Variants in CNTNAP4 observed in about 807,000 individuals in gnomAD.
The protein encoded by CNTNAP4 is contactin associated protein family member 4, also known as contactin-associated protein-like 4.
CNTNAP4 carries 98 observed loss-of-function variants against 148.4 expected under a neutral mutation model. That is an observed-to-expected ratio of 0.66 (90% CI 0.56 to 0.78). The LOEUF (loss-of-function observed/expected upper bound fraction) is 0.78, where lower values mean the gene tolerates loss of function less well. CNTNAP4 is among the 30% of genes least tolerant of loss of function. The pLI is 0.00. For missense variants in CNTNAP4, 1,935 were observed against 1,565.6 expected (o/e 1.24, Z -3.98); for synonymous variants, 730 against 565.1 (o/e 1.29, Z -4.14).
At chr16:76,518,179 A>G (rs941216405) in intron 15 of CNTNAP4, among the ~76,000 whole-genome samples, 1 of 152,032 alleles carries the variant, frequency 6.6e-6, no homozygotes, top group Non-Finnish European at 1.5e-5. Context: ...CCAGGCTGGA[A>G]TGCAGATGCA....
intron 3 of CNTNAP4, among the ~76,000 whole-genome samples, chr16:76,379,429 G>A (rs1382657548): frequency 6.6e-6 from 1 of 151,230 alleles, no homozygotes; most frequent in African/African-American, 2.5e-5. Context: ...ATATTTTCTC[G>A]TTTAAACTTT....
Position 76,533,988 on chromosome 16 carries a change from C to T in CNTNAP4, c.2756-1557C>T, listed in dbSNP as rs547283106. Among the ~76,000 whole-genome samples the T allele has an allele frequency of 2.0e-5, 3 of 152,100 alleles. No individual in the cohort carries two copies. In the South Asian group the frequency reaches 6.2e-4, roughly 32 times the overall value. ...CTGAATTCTGAATAGTGTTAGTGTC[C>T]GTAAGTCCAGAATTCTCAGGAATTC... On this transcript the variant is annotated intron_variant, in intron 17 of 23. Transcript: ENST00000611870.
intron 3 of CNTNAP4, among the ~76,000 whole-genome samples, chr16:76,386,181 A>G (rs2016499168): frequency 6.6e-6 from 1 of 152,182 alleles, no homozygotes; most frequent in South Asian, 2.1e-4. Flanking sequence ...GCAAATTCAC[A>G]ATACAGTATC....
chr16:76,443,955 T>C (rs866355975), intron 4 of CNTNAP4, among the ~76,000 whole-genome samples: 55 of 152,284 alleles, frequency 3.6e-4, no homozygotes, highest in African/African-American at 1.2e-3. Context: ...ATGTTTTCAG[T>C]TCGCAATGTT....
At chr16:76,397,243 G>A (rs1350454923) in intron 3 of CNTNAP4, among the ~76,000 whole-genome samples, 6 of 152,008 alleles carry the variant, frequency 3.9e-5, no homozygotes, top group African/African-American at 1.4e-4. Context: ...GATTATGCTG[G>A]GGTGGGGGTT....
At chr16:76,418,444 A>G in intron 3 of CNTNAP4, among the ~76,000 whole-genome samples, 1 of 149,806 alleles carries the variant, frequency 6.7e-6, no homozygotes, top group East Asian at 2.0e-4. Flanking sequence ...CATGTGCACA[A>G]TCTTCTGATC....
intron 3 of CNTNAP4, among the ~76,000 whole-genome samples, chr16:76,414,410 A>G (rs987792826): frequency 2.0e-5 from 3 of 151,284 alleles, no homozygotes; most frequent in East Asian, 1.9e-4. Context: ...CTATATTTTT[A>G]TATTGTAGAA....
chr16:76,495,044 T>A lies in CNTNAP4; in HGVS notation c.2215T>A (p.Cys739Ser). 1 of 1,613,370 alleles carries A rather than the reference T, an allele frequency of 6.2e-7. No homozygotes were observed. The highest frequency in any genetic ancestry group is 8.5e-7 in the Non-Finnish European group (1 of 1,179,450). ...NCIDSQYYCN[C>S]DADRNEWTND... The stretch of plus-strand genomic sequence containing the variant: ...CATTGATTCTCAGTATTACTGCAAT[T>A]GTGATGCTGACCGGAATGAATGGTG... The change falls in exon 14 of 24, where the codon TGT (cysteine) becomes AGT (serine). Residue 739 changes from cysteine to serine, a missense_variant. Physicochemically the swap from Cys to Ser is moderately radical, Grantham distance 112. Transcript: ENST00000611870.
intron 3 of CNTNAP4, among the ~76,000 whole-genome samples, chr16:76,374,988 C>T (rs2015269881): frequency 2.6e-5 from 4 of 151,756 alleles, no homozygotes; most frequent in Admixed American, 2.0e-4. Context: ...AGGCTGGTCT[C>T]GAACTCCTGA....
chr16:76,390,226 G>A (rs370736375), intron 3 of CNTNAP4, among the ~76,000 whole-genome samples: 122 of 152,336 alleles, frequency 8.0e-4, no homozygotes, highest in African/African-American at 2.9e-3. Context: ...AGATGTTTCT[G>A]AAAATGGCAA....
intron 15 of CNTNAP4, among the ~76,000 whole-genome samples, chr16:76,512,251 C>G (rs896162230): frequency 1.3e-5 from 2 of 152,094 alleles, no homozygotes; most frequent in African/African-American, 4.8e-5. Context: ...ACATTAGAGA[C>G]TTTTGAGAAG....
At chr16:76,432,300 C>T (rs988897650) in intron 4 of CNTNAP4, among the ~76,000 whole-genome samples, 3 of 152,072 alleles carry the variant, frequency 2.0e-5, no homozygotes, top group South Asian at 2.1e-4. Flanking sequence ...GCCGTTTACC[C>T]CAACAAGTTA....
rs372347162 is a variant in CNTNAP4 at position 76,428,026 on chromosome 16, C to G, written c.538+427C>G. Among the ~76,000 whole-genome samples, 12 of 152,132 alleles carry G rather than the reference C, an allele frequency of 7.9e-5. No homozygotes were observed. In the South Asian group the frequency reaches 1.0e-3, roughly 13 times the overall value. Reference sequence around the variant, plus strand: ...AACCAAAAAATATTTTTTCTTTAGCCTAAAAACAATATCATGCAATTCACC... The same window carrying G: ...AACCAAAAAATATTTTTTCTTTAGCGTAAAAACAATATCATGCAATTCACC... On this transcript the variant is annotated intron_variant, in intron 4 of 23. Transcript: ENST00000611870.
intron 15 of CNTNAP4, among the ~76,000 whole-genome samples, chr16:76,499,053 T>A (rs558080810): frequency 3.6e-5 from 5 of 139,082 alleles, no homozygotes; most frequent in African/African-American, 1.3e-4. Flanking sequence ...ATTTTATGTA[T>A]CTTTTACCAC....
Position 76,355,478 on chromosome 16 carries a change from C to G in CNTNAP4, c.357C>G (p.Asn119Lys), listed in dbSNP as rs758902901. The change falls in exon 3 of 24, where the codon AAC becomes AAG. Residue 119 changes from asparagine (N) to lysine (K), a missense_variant. By Grantham distance (94) the Asn-to-Lys change is moderately conservative. Transcript: ENST00000611870. ...YLLMFSDSGWNWKQYRQEDSI... is the reference protein window; with the variant it reads ...YLLMFSDSGWKWKQYRQEDSI... ...TGATGTTCAGTGATAGTGGCTGGAA[C>G]TGGAAACAATATCGCCAAGAGGACA... is the stretch of plus-strand genomic sequence containing the variant. 6.2e-7 allele frequency: 1 copy of G among 1,610,906 alleles called. No individual in the cohort carries two copies. The highest frequency in any genetic ancestry group is 1.3e-5 in the African/African-American group (1 of 74,826).
chr16:76,316,433 G>T lies in CNTNAP4; in HGVS notation c.106G>T (p.Val36Leu), dbSNP rs1456892042. 1.2e-6 allele frequency: 2 copies of T among 1,613,638 alleles called. No individual in the cohort carries two copies. Among genetic ancestry groups the T allele is most frequent in the Non-Finnish European group, 1.7e-6 (2 of 1,179,672 alleles). The change falls in exon 2 of 24, where the codon GTG becomes TTG. Residue 36 changes from valine to leucine, a missense_variant. Coordinates refer to ENST00000611870, the MANE Select transcript of CNTNAP4 (RefSeq NM_033401.5). ...GGCAGATGACTGTGATGATCCTCTT[G>T]TGTCTGCCTTGCCTCAGGCATCCTT... ...GNSYDCDDPL[V>L]SALPQASFSS...
At chr16:76,523,480 TG>T (rs1265240713) in intron 17 of CNTNAP4, among the ~76,000 whole-genome samples, 2 of 152,284 alleles carry the variant, frequency 1.3e-5, no homozygotes, top group Non-Finnish European at 1.5e-5. Flanking sequence ...GGTTTGATAG[TG>T]GAATCCTTCT....
intron 2 of CNTNAP4, among the ~76,000 whole-genome samples, chr16:76,323,262 A>C (rs1461580233): frequency 6.7e-6 from 1 of 150,224 alleles, no homozygotes; most frequent in East Asian, 1.9e-4. Context: ...AAATCTGTGA[A>C]TTAGGGTGAT....
At chr16:76,495,756 G>T (rs945500697) in intron 14 of CNTNAP4, among the ~76,000 whole-genome samples, 1 of 151,940 alleles carries the variant, frequency 6.6e-6, no homozygotes, top group South Asian at 2.1e-4. Flanking sequence ...TCAGCATAAC[G>T]TATATGTTAC....
Sources: allele counts gnomAD v4.1 joint callset (sites outside exome capture counted in the v4.1 genomes callset), GRCh38; gene constraint gnomAD v4.1.1; transcripts MANE v1.5; gene names NCBI Gene and HGNC (gene_info 2026-07-23, HGNC 2026-07-21).